CENPE: variants seen among roughly 807,000 people sequenced by gnomAD.
CENPE encodes the protein centromere protein E.
CENPE carries 145 observed loss-of-function variants against 336.1 expected under a neutral mutation model. The observed-to-expected ratio is 0.43, with a 90% CI of 0.38 to 0.50. The LOEUF is 0.50. CENPE is among the 20% of genes least tolerant of loss of function. The pLI is 0.00. For synonymous variants in CENPE, 1,013 were observed against 984.8 expected (o/e 1.03, Z -0.54); for missense variants, 2,719 against 3,023.3 (o/e 0.90, Z 2.36).
At chr4:103,193,158 T>TA (rs1560685515) in intron 8 of CENPE, among the ~76,000 whole-genome samples, 1 of 152,060 alleles carries the variant, frequency 6.6e-6, no homozygotes, top group Non-Finnish European at 1.5e-5. Context: ...GAGCATCACG[T>TA]AACATGAGGA....
At chr4:103,169,067 G>GA (rs1358125831) in intron 16 of CENPE, among the ~76,000 whole-genome samples, 2 of 151,918 alleles carry the variant, frequency 1.3e-5, no homozygotes, top group East Asian at 3.9e-4. Context: ...AAAACATAGA[G>GA]AAACAATCCA....
rs1748892825 is a variant in CENPE at position 103,106,285 on chromosome 4, A to C, written c.8043T>G (p.Asp2681Glu). 2 of 1,601,780 alleles carry C rather than the reference A, an allele frequency of 1.2e-6. No homozygotes were observed. The highest frequency in any genetic ancestry group is 1.7e-6 in the Non-Finnish European group (2 of 1,173,220). ...AGGCGTGCCAAGGACCTGGCTGAGA[A>C]TCCACACTCTCTGCTCCTGCATTTT... ...EVQNAGAESVDSQPGPWHASS... is the reference protein window; with the variant it reads ...EVQNAGAESVESQPGPWHASS... The change falls in exon 49 of 49, where the codon GAT becomes GAG. Residue 2681 changes from aspartate to glutamate, a missense_variant. Around this residue, in one of 5 missense-constraint regions of CENPE, gnomAD observed 2,437 missense variants for 2,513.3 expected, o/e 0.97. Transcript: ENST00000265148.
chr4:103,140,908 A>G lies in CENPE; in HGVS notation c.5660T>C (p.Val1887Ala), dbSNP rs746369226. ...LHENLEEMKS[V>A]MKERDNLRRV... ...TCTTAGATTATCTCTTTCTTTCATT[A>G]CAGATTTCATTTCTTCAAGGTTTTC... Residue 1887 changes from valine to alanine, a missense_variant, in exon 36 of 49, where the codon GTA becomes GCA. Val to Ala is a moderately conservative substitution (Grantham distance 64, BLOSUM62 0). Transcript: ENST00000265148. 6.2e-7 allele frequency: 1 copy of G among 1,612,430 alleles called. No homozygotes were observed.
At chr4:103,179,351 A>C (rs1481098738) in intron 13 of CENPE, among the ~76,000 whole-genome samples, 1 of 152,178 alleles carries the variant, frequency 6.6e-6, no homozygotes, top group African/African-American at 2.4e-5. Flanking sequence ...TCACATTCAA[A>C]TCCCTCAAGG....
chr4:103,196,659 G>A (rs1457543265), intron 2 of CENPE, 100 bp downstream of exon 2: 1 of 652,904 alleles, frequency 1.5e-6, no homozygotes, highest in Non-Finnish European at 2.7e-6. Flanking sequence ...AGAAGGCTTA[G>A]TCTAATCTTT....
chr4:103,140,693 T>G, intron 36 of CENPE, 121 bp downstream of exon 36: 1 of 783,342 alleles, frequency 1.3e-6, no homozygotes, highest in Non-Finnish European at 2.0e-6. Context: ...AGTGCCTTAT[T>G]ATTGGTGGAC....
At position 103,118,018 on chromosome 4, in the gene CENPE, T is replaced by C. The variant is rs538319519; in HGVS notation, c.7330-1329A>G. On this transcript the variant is annotated intron_variant, in intron 44 of 48. Transcript: ENST00000265148. ...CACTGAAAGACAGTCTTAGCAATTA[T>C]GAACACAGCTGCTATTAACATACAC... Among the ~76,000 whole-genome samples, 9 of 152,354 alleles carry C rather than the reference T, an allele frequency of 5.9e-5. No homozygotes were observed. The South Asian group carries it at 1.9e-3, about 32-fold the overall frequency.
At chr4:103,112,419 A>C (rs1749540472) in intron 46 of CENPE, among the ~76,000 whole-genome samples, 1 of 98,296 alleles carries the variant, frequency 1.0e-5, no homozygotes, top group Non-Finnish European at 2.2e-5. Context: ...ATATATGTAT[A>C]TACTTATATA....
At chr4:103,130,706 C>A (rs974722733) in intron 42 of CENPE, among the ~76,000 whole-genome samples, 4 of 152,068 alleles carry the variant, frequency 2.6e-5, no homozygotes, top group Admixed American at 6.6e-5. Context: ...CAACACAATG[C>A]TGAAGAACGA....
chr4:103,177,488 T>C (rs1369814452), intron 13 of CENPE, among the ~76,000 whole-genome samples: 4 of 151,986 alleles, frequency 2.6e-5, no homozygotes, highest in East Asian at 4.0e-4. Flanking sequence ...TCGGCAACCC[T>C]AGGGTTGTAA....
chr4:103,123,755 G>C (rs1750852856), intron 42 of CENPE, among the ~76,000 whole-genome samples: 1 of 152,158 alleles, frequency 6.6e-6, no homozygotes, highest in Non-Finnish European at 1.5e-5. Context: ...TGTTGTACCA[G>C]CAAGCATTGA....
intron 42 of CENPE, among the ~76,000 whole-genome samples, chr4:103,127,942 A>G (rs1315707483): frequency 6.6e-5 from 10 of 152,190 alleles, no homozygotes; most frequent in Admixed American, 5.9e-4. Context: ...ATCACCTTAA[A>G]CGTCAATGGT....
intron 43 of CENPE, among the ~76,000 whole-genome samples, chr4:103,120,893 G>A (rs867591300): frequency 2.0e-5 from 3 of 151,952 alleles, no homozygotes; most frequent in South Asian, 2.1e-4. Flanking sequence ...GTGCCACCAC[G>A]CCTAGCTAAT....
At position 103,146,110 on chromosome 4, in the gene CENPE, T is replaced by C. The variant is rs1753033387; in HGVS notation, c.4135-3A>G. ...TGTTTGCTTTGAGACTCCTGGATCT[T>C]AAGAGAATCATAAAACAGTACAGTT... On this transcript the variant is annotated splice_region_variant and splice_polypyrimidine_tract_variant and intron_variant, in intron 29 of 48. Transcript: ENST00000265148. 1 of 1,610,592 alleles carries C rather than the reference T, an allele frequency of 6.2e-7. No individual in the cohort carries two copies. Among genetic ancestry groups the C allele is most frequent in the Non-Finnish European group, 8.5e-7 (1 of 1,178,838 alleles).
rs746132394 is a variant in CENPE, at chr4:103,181,425, G to A, written c.995C>T (p.Thr332Ile). 3 of 1,571,922 alleles carry A rather than the reference G, an allele frequency of 1.9e-6. No homozygotes were observed. The highest frequency in any genetic ancestry group is 2.6e-6 in the Non-Finnish European group (3 of 1,161,042). ...FASTAKYMKNTPYVNEVSTDE... is the reference protein window; with the variant it reads ...FASTAKYMKNIPYVNEVSTDE... ...AGTTGATACCTCATTAACATAAGGA[G>A]TATTCTTCATATATTTAGCAGTACT... Residue 332 changes from threonine to isoleucine, a missense_variant, in exon 12 of 49, where the codon ACT becomes ATT. This residue lies in a region of CENPE where 117 missense variants were observed against 215.8 expected (regional missense o/e 0.54). Coordinates refer to ENST00000265148, the MANE Select transcript of CENPE (RefSeq NM_001813.3).
In CENPE at chr4:103,176,039, G is replaced by T; in HGVS notation, c.1400C>A (p.Ser467Ter). 6.3e-7 allele frequency: 1 copy of T among 1,586,100 alleles called. No homozygotes were observed. The highest frequency in any genetic ancestry group is 8.6e-7 in the Non-Finnish European group (1 of 1,166,294). The change falls in exon 15 of 49, where the codon TCA becomes TAA. Residue 467 changes from serine to a stop codon, truncating the protein, a stop_gained. Coordinates refer to ENST00000265148, the MANE Select transcript of CENPE (RefSeq NM_001813.3). LOFTEE classifies it high-confidence loss of function. ...LLREIDESVC[S>*]ESDVFSNTLD... ...AGTGTTACTGAAAACATCAGACTCT[G>T]AACAGACAGCTATAATTAGAGAAAA... is the stretch of plus-strand genomic sequence containing the variant.
intron 38 of CENPE, 49 bp from the exon 39 acceptor site, chr4:103,138,498 C>T: frequency 8.5e-7 from 1 of 1,181,902 alleles, no homozygotes; most frequent in Non-Finnish European, 1.3e-6. Context: ...TGACTATATT[C>T]ACATATAATG....
chr4:103,160,187 G>A (rs1459324618), intron 21 of CENPE, among the ~76,000 whole-genome samples: 1 of 151,830 alleles, frequency 6.6e-6, no homozygotes, highest in Non-Finnish European at 1.5e-5. Flanking sequence ...GGCAGGCCAT[G>A]GATTTACAGA....
intron 46 of CENPE, among the ~76,000 whole-genome samples, chr4:103,111,804 G>A (rs1749456371): frequency 6.6e-6 from 1 of 151,848 alleles, no homozygotes. Flanking sequence ...AGACACTAGG[G>A]AAGTTTAAGC....
Sources: allele counts gnomAD v4.1 joint callset (sites outside exome capture counted in the v4.1 genomes callset), GRCh38; gene constraint gnomAD v4.1.1; regional missense constraint gnomAD v4.1.1; transcripts MANE v1.5; gene names NCBI Gene and HGNC (gene_info 2026-07-23, HGNC 2026-07-21).